Variants in EXOC6 observed in about 807,000 individuals in gnomAD.
The protein encoded by EXOC6 is SEC15-like 1.
Under a neutral mutation model 112.5 loss-of-function variants are expected in EXOC6, and 60 were observed. The observed-to-expected ratio is 0.53, with a 90% CI of 0.43 to 0.66. EXOC6 has a LOEUF of 0.66. EXOC6 is among the 30% of genes least tolerant of loss of function. EXOC6 has a pLI of 0.00. For synonymous variants in EXOC6, 295 were observed against 308.0 expected (o/e 0.96, Z 0.44); for missense variants, 855 against 957.1 (o/e 0.89, Z 1.41).
At chr10:92,924,449 A>G (rs1264215409) in intron 8 of EXOC6, among the ~76,000 whole-genome samples, 3 of 152,148 alleles carry the variant, frequency 2.0e-5, no homozygotes, top group African/African-American at 7.2e-5. Context: ...GTACATTATG[A>G]TTCGATAAAG....
At chr10:92,876,664 G>A (rs1246900805) in intron 1 of EXOC6, among the ~76,000 whole-genome samples, 1 of 152,192 alleles carries the variant, frequency 6.6e-6, no homozygotes, top group Non-Finnish European at 1.5e-5. Context: ...CTAGGGCAGA[G>A]GAGGCTCAGA....
At chr10:92,830,674 G>C (rs1465790860), upstream of EXOC6, among the ~76,000 whole-genome samples, 1 of 152,138 alleles carries the variant, frequency 6.6e-6, no homozygotes, top group Non-Finnish European at 1.5e-5. Context: ...ACCTCCCACG[G>C]TGACAATCAA....
At chr10:92,956,438 A>G (rs1205461924) in intron 17 of EXOC6, among the ~76,000 whole-genome samples, 1 of 152,098 alleles carries the variant, frequency 6.6e-6, no homozygotes, top group Non-Finnish European at 1.5e-5. Flanking sequence ...CTCTTTAACT[A>G]CTTTTGTTAT....
chr10:92,887,324 T>C (rs528942504), intron 1 of EXOC6, among the ~76,000 whole-genome samples: 28 of 152,286 alleles, frequency 1.8e-4, no homozygotes, highest in African/African-American at 6.5e-4. Flanking sequence ...AGACTAGTTA[T>C]TTTTAATATT....
intron 18 of EXOC6, among the ~76,000 whole-genome samples, chr10:92,975,846 C>T (rs1842558112): frequency 7.2e-6 from 1 of 139,630 alleles, no homozygotes; most frequent in Non-Finnish European, 1.6e-5. Flanking sequence ...TGAGGGGCGC[C>T]TCTGCCCGGC....
intron 20 of EXOC6, among the ~76,000 whole-genome samples, chr10:93,016,329 C>T (rs1844511557): frequency 2.0e-5 from 3 of 151,130 alleles, no homozygotes; most frequent in African/African-American, 7.3e-5. Flanking sequence ...TTAGTAGAGA[C>T]GGGGTTTTCC....
intron 1 of EXOC6, among the ~76,000 whole-genome samples, chr10:92,878,791 G>A (rs1848808353): frequency 6.6e-6 from 1 of 151,944 alleles, no homozygotes; most frequent in Non-Finnish European, 1.5e-5. Flanking sequence ...TTTTAAGCCA[G>A]GTTTTTCTCA....
chr10:92,854,245 C>T (rs1344114629), intron 1 of EXOC6, among the ~76,000 whole-genome samples: 2 of 152,052 alleles, frequency 1.3e-5, no homozygotes, highest in Non-Finnish European at 2.9e-5. Context: ...TGAAACCATC[C>T]TGGCCAATGT....
At chr10:92,985,711 T>C (rs1842977102) in intron 18 of EXOC6, among the ~76,000 whole-genome samples, 1 of 152,202 alleles carries the variant, frequency 6.6e-6, no homozygotes, top group Non-Finnish European at 1.5e-5. Flanking sequence ...TCATGTCCTC[T>C]TTTAGCTCTG....
At chr10:92,873,419 T>C (rs899202505) in intron 1 of EXOC6, among the ~76,000 whole-genome samples, 1 of 152,186 alleles carries the variant, frequency 6.6e-6, no homozygotes, top group South Asian at 2.1e-4. Flanking sequence ...CAGGATACTA[T>C]TTGTGAGAAC....
chr10:92,903,308 T>C (rs61862271), intron 5 of EXOC6, among the ~76,000 whole-genome samples: 1,719 of 152,168 alleles, frequency 0.011, 19 homozygotes, highest in Non-Finnish European at 0.017. Context: ...AAGTATAAAA[T>C]AGTATCTCAT....
chr10:93,010,940 C>T (rs17108043), intron 19 of EXOC6, among the ~76,000 whole-genome samples: 12,118 of 151,952 alleles, frequency 0.08, 547 homozygotes, highest in Admixed American at 0.14. Context: ...ACATTGAGCT[C>T]TTTGGTTAAA....
intron 9 of EXOC6, 121 bp downstream of exon 9, chr10:92,928,543 AT>A (rs1360215359): frequency 1.7e-6 from 1 of 588,494 alleles, no homozygotes; most frequent in East Asian, 3.0e-5. Flanking sequence ...AACACCTACC[AT>A]TTCCAAACAT....
chr10:93,036,218 CAAAAAAAA>C (rs58823676), intron 20 of EXOC6, among the ~76,000 whole-genome samples: 1 of 140,598 alleles, frequency 7.1e-6, no homozygotes, highest in African/African-American at 2.6e-5. Context: ...AACTCCATCT[CAAAAAAAA>C]AAAAGAAAAA....
chr10:92,935,662 G>A (rs1852298975), intron 11 of EXOC6, 152 bp from the exon 12 acceptor site: 1 of 639,152 alleles, frequency 1.6e-6, no homozygotes, highest in Non-Finnish European at 2.7e-6. Context: ...GAGAAGGTCT[G>A]TTGTGAATCT....
intron 19 of EXOC6, among the ~76,000 whole-genome samples, chr10:93,005,553 A>G (rs17463704): frequency 0.034 from 5,201 of 152,262 alleles, 125 homozygotes; most frequent in Non-Finnish European, 0.049. Flanking sequence ...AGTTCTTACA[A>G]AGGTGTCACA....
intron 1 of EXOC6, among the ~76,000 whole-genome samples, chr10:92,828,653 A>G (rs1461922099): frequency 1.7e-5 from 2 of 116,726 alleles, no homozygotes; most frequent in East Asian, 2.8e-4. Flanking sequence ...TTTTTTTTTA[A>G]TAGACTTCTA....
At chr10:93,047,071 G>A (rs1362501471) in intron 20 of EXOC6, among the ~76,000 whole-genome samples, 1 of 152,198 alleles carries the variant, frequency 6.6e-6, no homozygotes, top group Non-Finnish European at 1.5e-5. Flanking sequence ...TTTAAACAAG[G>A]GAATGGTGTA....
chr10:92,931,281 ATT>A (rs879604128), intron 9 of EXOC6, among the ~76,000 whole-genome samples: 1 of 147,206 alleles, frequency 6.8e-6, no homozygotes, highest in African/African-American at 2.5e-5. Context: ...TGGACAAAAG[ATT>A]TTTTTTTTTA....
Sources: gnomAD v4.1 joint callset for allele counts (sites outside exome capture counted in the v4.1 genomes callset) on GRCh38, gnomAD v4.1.1 for gene constraint, MANE v1.5 for transcripts, NCBI Gene and HGNC (gene_info 2026-07-23, HGNC 2026-07-21) for gene names.